The following ABAT variants were observed in gnomAD, a reference collection of about 807,000 sequenced individuals.
The protein encoded by ABAT is 4-aminobutyrate aminotransferase.
In ABAT, 45 loss-of-function variants were observed where a neutral mutation model predicts 64.6. That is an observed-to-expected ratio of 0.70 (90% confidence interval 0.55 to 0.89). ABAT has a LOEUF of 0.89. Ranked by LOEUF, ABAT falls within the 40% of genes least tolerant of loss-of-function variation. ABAT has a pLI of 0.00. For missense variants in ABAT, 633 were observed against 658.4 expected (o/e 0.96, Z 0.42); for synonymous variants, 297 against 250.5 (o/e 1.19, Z -1.75).
rs1294236988 is a variant in ABAT at position 8,737,949 on chromosome 16, AAAGG to A, written c.70+2178_70+2181del. On this transcript the variant is annotated intron_variant, in intron 2 of 15. Coordinates refer to ENST00000268251, the MANE Select transcript of ABAT (RefSeq NM_020686.6). Reference sequence around the variant, plus strand: ...AAAAAAAAAAAGAAAGGAAAGGAAGAAAGGAAGGAAGGAAGGAAGGAAGGAAGGA... The same window carrying A: ...AAAAAAAAAAAGAAAGGAAAGGAAGAAAGGAAGGAAGGAAGGAAGGAAGGA... Among the ~76,000 whole-genome samples the A allele has an allele frequency of 9.3e-4, 22 of 23,696 alleles. 3 individuals are homozygous for A. Among genetic ancestry groups the A allele is most frequent in the African/African-American group, 3.0e-3 (20 of 6,766 alleles). The allele number at this position is 23,696 out of a possible 152,430, so 15.5% of individuals were successfully genotyped here. A position where few individuals can be genotyped will look rare whatever the true frequency, so the allele number is the denominator to read the frequency against.
Position 8,776,959 on chromosome 16 carries a change from C to T in ABAT, c.1269+469C>T, listed in dbSNP as rs144323822. Among the ~76,000 whole-genome samples the T allele has an allele frequency of 0.021, 3,265 of 152,128 alleles. 90 individuals carry two copies. The highest frequency in any genetic ancestry group is 0.073 in the African/African-American group (3,034 of 41,484). On this transcript the variant is annotated intron_variant, in intron 14 of 15. Transcript: ENST00000268251. The surrounding 1 kb of genome is among the most constrained non-coding windows in gnomAD (Gnocchi z 4.4). ...TTGTACCCAGGCTGGAGTGCAGTGG[C>T]GCAATCTCAGCTCACCGCAACCGCT...
intron 5 of ABAT, among the ~76,000 whole-genome samples, chr16:8,753,288 G>A (rs181900046): frequency 1.3e-5 from 2 of 152,038 alleles, no homozygotes; most frequent in East Asian, 1.9e-4. Flanking sequence ...GTAGAGACGG[G>A]GTTTCACCGT....
chr16:8,770,516 G>A (rs2060076237), intron 11 of ABAT, among the ~76,000 whole-genome samples: 2 of 152,058 alleles, frequency 1.3e-5, no homozygotes, highest in South Asian at 4.2e-4. Flanking sequence ...ACAGCTCACT[G>A]CAGTCTCGAC....
chr16:8,751,779 G>A (rs565445822), intron 5 of ABAT, among the ~76,000 whole-genome samples: 4 of 152,244 alleles, frequency 2.6e-5, no homozygotes, highest in East Asian at 3.9e-4. Flanking sequence ...AAGTGACCTC[G>A]GTGGGATGCC....
intron 12 of ABAT, among the ~76,000 whole-genome samples, chr16:8,774,550 T>C (rs1252780376): frequency 1.3e-5 from 2 of 152,104 alleles, no homozygotes; most frequent in East Asian, 1.9e-4. Context: ...GGCCTCACTG[T>C]TGGACACAGC....
chr16:8,779,878 T>A (rs1006167248), intron 15 of ABAT, among the ~76,000 whole-genome samples: 1 of 152,192 alleles, frequency 6.6e-6, no homozygotes, highest in Admixed American at 6.5e-5. Context: ...TCAGGAAGCA[T>A]GCAGTGTAGC....
chr16:8,768,345 A>C, intron 10 of ABAT, 89 bp downstream of exon 10: 1 of 1,326,282 alleles, frequency 7.5e-7, no homozygotes, highest in South Asian at 1.2e-5. Flanking sequence ...AGCAGTTTAC[A>C]CATATTGTCC....
intron 5 of ABAT, among the ~76,000 whole-genome samples, chr16:8,755,060 G>A (rs1233210556): frequency 6.6e-6 from 1 of 152,166 alleles, no homozygotes; most frequent in African/African-American, 2.4e-5. Context: ...TTGGGGCACA[G>A]TTTCAGCTTT....
intron 1 of ABAT, among the ~76,000 whole-genome samples, chr16:8,687,103 G>C (rs1219159601): frequency 6.6e-6 from 1 of 152,176 alleles, no homozygotes; most frequent in Non-Finnish European, 1.5e-5. Context: ...GGAAGAGATG[G>C]TGGGTGCATT....
intron 1 of ABAT, among the ~76,000 whole-genome samples, chr16:8,715,985 G>A (rs912963624): frequency 6.6e-6 from 1 of 152,148 alleles, no homozygotes; most frequent in Non-Finnish European, 1.5e-5. Context: ...TAACAGTTTC[G>A]AGGATTACAA....
chr16:8,732,828 G>A (rs1338751083), intron 1 of ABAT, among the ~76,000 whole-genome samples: 2 of 149,556 alleles, frequency 1.3e-5, no homozygotes, highest in Admixed American at 6.6e-5. Context: ...CCTCCCGGAC[G>A]GGGCGGCTGG....
At chr16:8,721,399 C>G (rs757024836) in intron 1 of ABAT, among the ~76,000 whole-genome samples, 9 of 152,168 alleles carry the variant, frequency 5.9e-5, no homozygotes, top group Non-Finnish European at 8.8e-5. Context: ...GCCTCCGAGC[C>G]TCCAGAGCTT....
At chr16:8,773,562 T>A (rs1343677795) in intron 12 of ABAT, among the ~76,000 whole-genome samples, 2 of 152,242 alleles carry the variant, frequency 1.3e-5, no homozygotes, top group Non-Finnish European at 2.9e-5. Flanking sequence ...CTCTTTGTAT[T>A]GGGAATATTC....
At chr16:8,703,663 C>T (rs1332276378) in intron 1 of ABAT, among the ~76,000 whole-genome samples, 3 of 152,158 alleles carry the variant, frequency 2.0e-5, no homozygotes, top group East Asian at 1.9e-4. Flanking sequence ...GGTCTGTGTC[C>T]GTTCTCTAAA....
At chr16:8,767,615 C>G (rs2059981629) in intron 9 of ABAT, among the ~76,000 whole-genome samples, 1 of 152,220 alleles carries the variant, frequency 6.6e-6, no homozygotes, top group African/African-American at 2.4e-5. Context: ...TGGGTCCAAA[C>G]AGTGCAGCAC....
At chr16:8,773,139 CACACACACATAT>C (rs1567315665) in intron 12 of ABAT, among the ~76,000 whole-genome samples, 4 of 129,742 alleles carry the variant, frequency 3.1e-5, no homozygotes, top group African/African-American at 1.1e-4. Flanking sequence ...CACACACACA[CACACACACATAT>C]ATATATATTT....
At chr16:8,711,810 G>GGATGGATGGATGAATA (rs2058083787) in intron 1 of ABAT, among the ~76,000 whole-genome samples, 7 of 112,742 alleles carry the variant, frequency 6.2e-5, no homozygotes, top group Non-Finnish European at 1.1e-4. Context: ...ATGGATGGAT[G>GGATGGATGGATGAATA]GATGGATGGA....
intron 1 of ABAT, among the ~76,000 whole-genome samples, chr16:8,700,788 T>G (rs1369035933): frequency 6.6e-6 from 1 of 152,106 alleles, no homozygotes; most frequent in Non-Finnish European, 1.5e-5. Context: ...TTTTTAAATT[T>G]AGAGACAGAG....
At chr16:8,699,177 G>C (rs2057765901) in intron 1 of ABAT, among the ~76,000 whole-genome samples, 3 of 152,196 alleles carry the variant, frequency 2.0e-5, no homozygotes, top group Admixed American at 2.0e-4. Context: ...AATGTGGGAA[G>C]AGATAGATGC....
Sources: allele counts gnomAD v4.1 joint callset (sites outside exome capture counted in the v4.1 genomes callset), GRCh38; gene constraint gnomAD v4.1.1; non-coding constraint Gnocchi (gnomAD v3.1); transcripts MANE v1.5; gene names NCBI Gene and HGNC (gene_info 2026-07-23, HGNC 2026-07-21).